BBX: variants seen among roughly 807,000 people sequenced by gnomAD.
BBX encodes the protein BBX high mobility group box domain containing, also known as HMG box transcription factor BBX.
BBX carries 30 observed loss-of-function variants against 100.2 expected under a neutral mutation model. The observed-to-expected ratio is 0.30, with a 90% CI of 0.22 to 0.41. BBX has a LOEUF of 0.41. Among genes scored for constraint, BBX ranks in the 10% least tolerant of loss-of-function variants. The pLI is 1.00. For missense variants in BBX, 1,023 were observed against 1,129.8 expected, an observed-to-expected ratio of 0.91 and a Z score of 1.35; for synonymous variants, 376 against 388.1, an observed-to-expected ratio of 0.97 and a Z score of 0.37.
At chr3:107,590,699 C>T (rs1208343259) in intron 2 of BBX, among the ~76,000 whole-genome samples, 1 of 152,176 alleles carries the variant, frequency 6.6e-6, no homozygotes, top group Non-Finnish European at 1.5e-5. Context: ...GTTTGAGTAC[C>T]ATCAGAGCAC....
At chr3:107,782,326 T>A (rs79333198) in intron 13 of BBX, among the ~76,000 whole-genome samples, 2,275 of 152,204 alleles carry the variant, frequency 0.015, 36 homozygotes, top group Non-Finnish European at 0.02. Context: ...TATTTTTTCA[T>A]TGGGTACTCA....
chr3:107,606,405 CT>C (rs1287857124), intron 2 of BBX, among the ~76,000 whole-genome samples: 3 of 152,136 alleles, frequency 2.0e-5, no homozygotes, highest in African/African-American at 7.2e-5. Context: ...TGGGCTATTC[CT>C]TCAGCCGTTT....
chr3:107,531,628 T>C (rs1300694142), intron 2 of BBX, among the ~76,000 whole-genome samples: 3 of 152,142 alleles, frequency 2.0e-5, no homozygotes, highest in Middle Eastern at 6.8e-3. Context: ...GAAACATGGG[T>C]ATGTTTTTAA....
intron 5 of BBX, among the ~76,000 whole-genome samples, chr3:107,725,889 A>T (rs918860713): frequency 5.3e-5 from 8 of 152,074 alleles, no homozygotes; most frequent in African/African-American, 1.9e-4. Context: ...GAATTTTGAA[A>T]ATCAGTATTT....
chr3:107,772,041 T>A (rs2066945122), intron 10 of BBX, among the ~76,000 whole-genome samples: 1 of 152,136 alleles, frequency 6.6e-6, no homozygotes, highest in South Asian at 2.1e-4. Flanking sequence ...GATTTCTGAT[T>A]TTTGGTTTAA....
At chr3:107,757,793 TTAAGA>T (rs1342016986) in intron 10 of BBX, among the ~76,000 whole-genome samples, 1 of 152,230 alleles carries the variant, frequency 6.6e-6, no homozygotes, top group Non-Finnish European at 1.5e-5. Context: ...CTGATGCATT[TTAAGA>T]TAAATAAATA....
intron 13 of BBX, among the ~76,000 whole-genome samples, chr3:107,779,061 A>T (rs1041803836): frequency 2.1e-5 from 3 of 142,138 alleles, no homozygotes; most frequent in African/African-American, 5.1e-5. Flanking sequence ...TGTTAAATTT[A>T]AAAAATGCTT....
At chr3:107,584,425 G>T (rs980265240) in intron 2 of BBX, among the ~76,000 whole-genome samples, 2 of 149,028 alleles carry the variant, frequency 1.3e-5, no homozygotes, top group Non-Finnish European at 3.0e-5. Context: ...TGTGAAATTT[G>T]TCCATTCAAA....
chr3:107,722,820 C>T (rs759639654), intron 5 of BBX, among the ~76,000 whole-genome samples: 32 of 151,790 alleles, frequency 2.1e-4, no homozygotes, highest in East Asian at 5.8e-4. Context: ...ATTATCCTAA[C>T]GATAATTTTT....
chr3:107,550,813 A>C (rs1435909736), intron 2 of BBX, among the ~76,000 whole-genome samples: 4 of 152,152 alleles, frequency 2.6e-5, no homozygotes, highest in Admixed American at 6.5e-5. Flanking sequence ...CAGAGCTGGA[A>C]GTAATTACTC....
intron 2 of BBX, among the ~76,000 whole-genome samples, chr3:107,545,121 C>T (rs1226089340): frequency 2.0e-5 from 3 of 151,672 alleles, no homozygotes; most frequent in African/African-American, 7.3e-5. Context: ...CATTCTGTTA[C>T]ATATCTCTTG....
chr3:107,735,162 T>C (rs67703174), intron 7 of BBX, among the ~76,000 whole-genome samples: 14,621 of 152,182 alleles, frequency 0.096, 937 homozygotes, highest in Admixed American at 0.14. Context: ...GAGAATTTAC[T>C]TCACAGCTAT....
At chr3:107,588,342 G>A (rs551288941) in intron 2 of BBX, among the ~76,000 whole-genome samples, 1 of 148,194 alleles carries the variant, frequency 6.7e-6, no homozygotes, top group Non-Finnish European at 1.5e-5. Flanking sequence ...AGTAAGGGGG[G>A]GCCTGGAGCA....
chr3:107,723,528 T>A (rs1038382233), intron 5 of BBX, among the ~76,000 whole-genome samples: 1 of 152,104 alleles, frequency 6.6e-6, no homozygotes, highest in Non-Finnish European at 1.5e-5. Flanking sequence ...GTCATTTACA[T>A]TAGGTATATC....
intron 3 of BBX, among the ~76,000 whole-genome samples, chr3:107,674,276 C>A (rs1392261604): frequency 6.6e-6 from 1 of 152,142 alleles, no homozygotes; most frequent in Non-Finnish European, 1.5e-5. Flanking sequence ...ACCGTAACGC[C>A]TTCGAGCCAG....
chr3:107,787,220 C>T (rs1483185047), intron 13 of BBX, among the ~76,000 whole-genome samples: 1 of 152,142 alleles, frequency 6.6e-6, no homozygotes, highest in East Asian at 1.9e-4. Flanking sequence ...TGGTCTTGAT[C>T]TCTTGATGTC....
chr3:107,705,055 AAGTCCC>A (rs1339203703), intron 3 of BBX, among the ~76,000 whole-genome samples: 1 of 152,144 alleles, frequency 6.6e-6, no homozygotes, highest in Non-Finnish European at 1.5e-5. Context: ...TGTGATTTGA[AAGTCCC>A]AGAACTCTTT....
chr3:107,804,819 T>C (rs1364581740), intron 17 of BBX, among the ~76,000 whole-genome samples: 1 of 152,040 alleles, frequency 6.6e-6, no homozygotes, highest in East Asian at 1.9e-4. Flanking sequence ...TTCCTTTTTT[T>C]TTTTTTGGAG....
Position 107,769,218 on chromosome 3 carries a change from A to G in BBX, c.907-3410A>G, listed in dbSNP as rs1307275684. On this transcript the variant is annotated intron_variant, in intron 10 of 17. Transcript: ENST00000325805. ...GATAGATAGATAGATAGATAGATAG[A>G]TAGATAGATAGACAGATAGATAGGA... is the stretch of plus-strand genomic sequence containing the variant. Among the ~76,000 whole-genome samples, 174 of 143,646 alleles carry G rather than the reference A, an allele frequency of 1.2e-3. 2 individuals are homozygous for G. Among genetic ancestry groups the G allele is most frequent in the East Asian group, 1.2e-3 (6 of 4,884 alleles). 94.2% of individuals were successfully genotyped at this position (143,646 alleles called of 152,430 possible). A position where few individuals can be genotyped will look rare whatever the true frequency, so the allele number is the denominator to read the frequency against.
Sources: gnomAD v4.1 joint callset for allele counts (sites outside exome capture counted in the v4.1 genomes callset) on GRCh38, gnomAD v4.1.1 for gene constraint, MANE v1.5 for transcripts, NCBI Gene and HGNC (gene_info 2026-07-23, HGNC 2026-07-21) for gene names.